PTPRT: variants seen among roughly 807,000 people sequenced by gnomAD.
PTPRT encodes receptor-type tyrosine-protein phosphatase T.
Under a neutral mutation model 176.8 loss-of-function variants are expected in PTPRT, and 56 were observed. The observed-to-expected ratio is 0.32, with a 90% CI of 0.26 to 0.40. The LOEUF (loss-of-function observed/expected upper bound fraction) is 0.40. PTPRT is among the 10% of genes least tolerant of loss of function. PTPRT has a pLI of 1.00. For synonymous variants in PTPRT, 783 were observed against 739.0 expected (o/e 1.06, Z -0.96); for missense variants, 1,540 against 1,908.2 (o/e 0.81, Z 3.60).
At chr20:42,377,365 G>T (rs770370983) in intron 9 of PTPRT, among the ~76,000 whole-genome samples, 2 of 152,108 alleles carry the variant, frequency 1.3e-5, no homozygotes, top group Non-Finnish European at 2.9e-5. Context: ...AAAACGTGGT[G>T]GTCCCTCTGG....
chr20:42,441,131 G>A (rs543371130), intron 9 of PTPRT, among the ~76,000 whole-genome samples: 4 of 152,324 alleles, frequency 2.6e-5, no homozygotes, highest in African/African-American at 7.2e-5. Flanking sequence ...ATACCCTCAC[G>A]AGGGTTCAAG....
chr20:42,106,346 C>A (rs1986440463), intron 24 of PTPRT, among the ~76,000 whole-genome samples: 1 of 152,218 alleles, frequency 6.6e-6, no homozygotes, highest in Non-Finnish European at 1.5e-5. Flanking sequence ...GCCCAGCACC[C>A]AGCTTAAGTA....
At chr20:42,546,483 A>G (rs773846628) in intron 7 of PTPRT, among the ~76,000 whole-genome samples, 12 of 151,868 alleles carry the variant, frequency 7.9e-5, no homozygotes, top group Non-Finnish European at 1.2e-4. Flanking sequence ...AAAAAAGAAA[A>G]AAAAAACAAG....
At chr20:42,161,826 G>A (rs56098593) in intron 16 of PTPRT, among the ~76,000 whole-genome samples, 3,605 of 152,212 alleles carry the variant, frequency 0.024, 61 homozygotes, top group Middle Eastern at 0.048. Flanking sequence ...TCAGTCCTTC[G>A]TTTAGACTTT....
At chr20:42,237,554 T>C (rs1206719226) in intron 14 of PTPRT, among the ~76,000 whole-genome samples, 1 of 152,222 alleles carries the variant, frequency 6.6e-6, no homozygotes, top group Admixed American at 6.5e-5. Flanking sequence ...ATTGAAGTTT[T>C]ATCTATTTTA....
At chr20:43,048,995 T>C (rs1986945345) in intron 1 of PTPRT, among the ~76,000 whole-genome samples, 1 of 152,184 alleles carries the variant, frequency 6.6e-6, no homozygotes, top group Non-Finnish European at 1.5e-5. Flanking sequence ...GGGTGTCAGA[T>C]GAAGCGGTCA....
At position 43,189,220 on chromosome 20, in the gene PTPRT, C is replaced by T. The variant is rs1463964955; in HGVS notation, c.88+426G>A. On this transcript the variant is annotated intron_variant, in intron 1 of 30. Coordinates refer to ENST00000373187, the MANE Select transcript of PTPRT (RefSeq NM_007050.6). This position sits in a 1 kb window ranked among gnomAD's most constrained non-coding sequence, Gnocchi z 5.0. ...TCGGCCTGCTGGGGACCTGTCCTCC[C>T]CACTAAAAGCGCGCGCTGCCCGAGG... is the stretch of plus-strand genomic sequence containing the variant. Among the ~76,000 whole-genome samples the T allele has an allele frequency of 2.0e-5, 3 of 152,288 alleles. No homozygotes were observed.
chr20:42,599,325 CA>C (rs2145784141), intron 7 of PTPRT, among the ~76,000 whole-genome samples: 1 of 152,260 alleles, frequency 6.6e-6, no homozygotes, highest in Non-Finnish European at 1.5e-5. Context: ...GGAGGTGCCA[CA>C]AGGAGCTCCT....
chr20:42,356,163 C>G (rs1284902732), intron 9 of PTPRT, among the ~76,000 whole-genome samples: 2 of 152,072 alleles, frequency 1.3e-5, no homozygotes, highest in African/African-American at 4.8e-5. Context: ...TGGGAGGGAG[C>G]TGTGGCTGTA....
intron 7 of PTPRT, among the ~76,000 whole-genome samples, chr20:42,610,379 G>GTTTTTTT (rs74271793): frequency 2.2e-5 from 3 of 136,432 alleles, no homozygotes; most frequent in Non-Finnish European, 3.2e-5. Flanking sequence ...TACTTGTTTT[G>GTTTTTTT]TTTTTTTTTT....
chr20:42,974,415 C>A (rs1178522367), intron 1 of PTPRT, among the ~76,000 whole-genome samples: 3 of 151,722 alleles, frequency 2.0e-5, no homozygotes, highest in Non-Finnish European at 4.4e-5. Context: ...ATTATTTTTC[C>A]CACTCTCCTC....
At chr20:42,429,297 T>G (rs2059194835) in intron 9 of PTPRT, among the ~76,000 whole-genome samples, 1 of 152,118 alleles carries the variant, frequency 6.6e-6, no homozygotes, top group South Asian at 2.1e-4. Flanking sequence ...CAGAGTTGAC[T>G]AAAGGCACTA....
chr20:42,883,913 CACAT>C (rs1294022556), intron 2 of PTPRT, among the ~76,000 whole-genome samples: 1 of 133,070 alleles, frequency 7.5e-6, no homozygotes, highest in African/African-American at 2.8e-5. Context: ...CACACACACA[CACAT>C]ACCAGTACAC....
At chr20:42,558,259 C>T (rs910413484) in intron 7 of PTPRT, among the ~76,000 whole-genome samples, 1 of 152,030 alleles carries the variant, frequency 6.6e-6, no homozygotes, top group African/African-American at 2.4e-5. Flanking sequence ...TGTCTTCCAG[C>T]GTTAGTTTTC....
chr20:42,655,969 G>A (rs766105793), intron 7 of PTPRT, among the ~76,000 whole-genome samples: 4 of 152,174 alleles, frequency 2.6e-5, no homozygotes, highest in Non-Finnish European at 5.9e-5. Context: ...AGAGAATTGG[G>A]CAGAGGACAC....
At chr20:42,371,288 T>A (rs1253989881) in intron 9 of PTPRT, among the ~76,000 whole-genome samples, 1 of 152,204 alleles carries the variant, frequency 6.6e-6, no homozygotes, top group African/African-American at 2.4e-5. Flanking sequence ...ATTTTCTTTG[T>A]GACTCAGAGT....
At chr20:42,752,016 C>G (rs933193260) in intron 6 of PTPRT, among the ~76,000 whole-genome samples, 1 of 152,146 alleles carries the variant, frequency 6.6e-6, no homozygotes, top group Middle Eastern at 3.2e-3. Flanking sequence ...CAAATGTCCC[C>G]CAGTCCACAC....
chr20:42,525,363 A>G (rs2072250385), intron 7 of PTPRT, among the ~76,000 whole-genome samples: 1 of 152,176 alleles, frequency 6.6e-6, no homozygotes, highest in African/African-American at 2.4e-5. Flanking sequence ...TTTCAAGTAC[A>G]TAAGCTTTAT....
At chr20:42,631,679 A>C (rs1345756842) in intron 7 of PTPRT, among the ~76,000 whole-genome samples, 1 of 152,172 alleles carries the variant, frequency 6.6e-6, no homozygotes, top group African/African-American at 2.4e-5. Flanking sequence ...TGAGTCAGTG[A>C]ACATTGGCTG....
Sources: allele counts gnomAD v4.1 joint callset (sites outside exome capture counted in the v4.1 genomes callset), GRCh38; gene constraint gnomAD v4.1.1; non-coding constraint Gnocchi (gnomAD v3.1); transcripts MANE v1.5; gene names NCBI Gene and HGNC (gene_info 2026-07-23, HGNC 2026-07-21).